TMEM45A: variants seen among roughly 807,000 people sequenced by gnomAD.
The protein encoded by TMEM45A is transmembrane protein 45A.
TMEM45A carries 25 observed loss-of-function variants against 32.0 expected under a neutral mutation model. The observed-to-expected ratio is 0.78, with a 90% CI of 0.57 to 1.09. The LOEUF (loss-of-function observed/expected upper bound fraction) is 1.09. Ranked by LOEUF, TMEM45A falls within the 50% of genes least tolerant of loss-of-function variation. The pLI is 0.00. For missense variants in TMEM45A, 302 were observed against 325.0 expected, an observed-to-expected ratio of 0.93 and a Z score of 0.54; for synonymous variants, 122 against 114.8, an observed-to-expected ratio of 1.06 and a Z score of -0.40.
chr3:100,572,328 A>C (rs1426373629), intron 5 of TMEM45A: 2 of 151,812 alleles, frequency 1.3e-5, no homozygotes, highest in Admixed American at 6.6e-5. Flanking sequence ...TGTGGTTTTG[A>C]TTTGCATTTC....
At chr3:100,508,808 T>TA (rs879392066) in intron 1 of TMEM45A, among the ~76,000 whole-genome samples, 1,623 of 141,094 alleles carry the variant, frequency 0.012, 25 homozygotes, top group African/African-American at 0.036. Flanking sequence ...TCTCACTATA[T>TA]AAAAAAAAAA....
intron 1 of TMEM45A, among the ~76,000 whole-genome samples, chr3:100,549,229 A>C (rs1706040336): frequency 6.6e-6 from 1 of 151,320 alleles, no homozygotes. Flanking sequence ...CCTGGGCAAC[A>C]GAGTGAGATC....
At chr3:100,498,469 A>C (rs183720305) in intron 1 of TMEM45A, among the ~76,000 whole-genome samples, 119 of 152,264 alleles carry the variant, frequency 7.8e-4, no homozygotes, top group Admixed American at 1.6e-3. Context: ...GACTACAGCA[A>C]GTCTTCCTTG....
chr3:100,561,732 C>A (rs921205361), intron 4 of TMEM45A, among the ~76,000 whole-genome samples: 2 of 152,200 alleles, frequency 1.3e-5, no homozygotes, highest in East Asian at 3.8e-4. Context: ...GTCATCCTCA[C>A]CGCCCAGGTG....
At position 100,502,721 on chromosome 3, in the gene TMEM45A, T is replaced by G. The variant is rs183326294; in HGVS notation, c.-4+9793T>G. Among the ~76,000 whole-genome samples the G allele has an allele frequency of 5.9e-5, 9 of 152,314 alleles. No homozygotes were observed. In the East Asian group the frequency reaches 1.7e-3, roughly 29 times the overall value. ...CCTGGCCTCAAGTGATCCTCCTGCTTTGGCCTCCCAAAGTGCTGGGAAAAC... is the reference window on the plus strand; with the variant it reads ...CCTGGCCTCAAGTGATCCTCCTGCTGTGGCCTCCCAAAGTGCTGGGAAAAC... On this transcript the variant is annotated intron_variant, in intron 1 of 5. Transcript: ENST00000323523.
At chr3:100,533,988 T>C (rs536315492) in intron 1 of TMEM45A, among the ~76,000 whole-genome samples, 1 of 152,004 alleles carries the variant, frequency 6.6e-6, no homozygotes, top group African/African-American at 2.4e-5. Context: ...TCTCTAGAGA[T>C]TGGGCCCTAT....
At chr3:100,530,597 C>G (rs925867599) in intron 1 of TMEM45A, among the ~76,000 whole-genome samples, 2 of 152,164 alleles carry the variant, frequency 1.3e-5, no homozygotes, top group Non-Finnish European at 1.5e-5. Context: ...TTAACCATCA[C>G]AATTTTGAAG....
At chr3:100,510,875 A>G (rs1576260870) in intron 1 of TMEM45A, among the ~76,000 whole-genome samples, 1 of 152,316 alleles carries the variant, frequency 6.6e-6, no homozygotes, top group East Asian at 1.9e-4. Context: ...GGTTATCAGC[A>G]GTGGAAGATG....
intron 1 of TMEM45A, among the ~76,000 whole-genome samples, chr3:100,533,499 T>C (rs1705687284): frequency 6.6e-6 from 1 of 152,084 alleles, no homozygotes; most frequent in African/African-American, 2.4e-5. Flanking sequence ...TGTTTCTTCC[T>C]ACACACTCCT....
chr3:100,521,666 T>C (rs1042997810), intron 1 of TMEM45A, among the ~76,000 whole-genome samples: 1 of 152,280 alleles, frequency 6.6e-6, no homozygotes. Flanking sequence ...CCACCCCACA[T>C]CATTCTGTGC....
At chr3:100,524,136 G>T (rs1446613364) in intron 1 of TMEM45A, among the ~76,000 whole-genome samples, 2 of 152,216 alleles carry the variant, frequency 1.3e-5, no homozygotes, top group African/African-American at 2.4e-5. Context: ...AAATCTAGAT[G>T]GCAAGCTGGC....
At chr3:100,572,975 C>A (rs1483691511) in intron 5 of TMEM45A, 2 of 151,776 alleles carry the variant, frequency 1.3e-5, no homozygotes, top group African/African-American at 4.8e-5. Flanking sequence ...TGTTTTGGTA[C>A]CAGTACCATG....
chr3:100,519,343 C>T, intron 1 of TMEM45A: 1 of 569,812 alleles, frequency 1.8e-6, no homozygotes, highest in Non-Finnish European at 3.1e-6. Flanking sequence ...TGTTTGCTTA[C>T]TAGTTGCTTT....
At chr3:100,520,600 C>T (rs1250563076) in intron 1 of TMEM45A, among the ~76,000 whole-genome samples, 1 of 152,174 alleles carries the variant, frequency 6.6e-6, no homozygotes, top group African/African-American at 2.4e-5. Context: ...TCTCTAGCCC[C>T]TCTTGTACGC....
At chr3:100,537,822 G>A (rs1705772716) in intron 1 of TMEM45A, among the ~76,000 whole-genome samples, 1 of 150,946 alleles carries the variant, frequency 6.6e-6, no homozygotes, top group Non-Finnish European at 1.5e-5. Context: ...CAGCCCTGCT[G>A]ATTCAGGTGT....
intron 1 of TMEM45A, among the ~76,000 whole-genome samples, chr3:100,512,127 A>G (rs1708174854): frequency 6.6e-6 from 1 of 152,200 alleles, no homozygotes; most frequent in Non-Finnish European, 1.5e-5. Flanking sequence ...AGTGGACCTA[A>G]TAGACATCTG....
intron 1 of TMEM45A, among the ~76,000 whole-genome samples, chr3:100,529,616 G>A (rs1217698309): frequency 6.6e-6 from 1 of 151,974 alleles, no homozygotes; most frequent in African/African-American, 2.4e-5. Flanking sequence ...TCTCAGGCCA[G>A]CCTTTATTTT....
chr3:100,547,365 G>A (rs1026840985), intron 1 of TMEM45A, among the ~76,000 whole-genome samples: 3 of 152,030 alleles, frequency 2.0e-5, no homozygotes, highest in African/African-American at 4.8e-5. Context: ...CATGTTCTGC[G>A]TGCCTCAGCC....
At chr3:100,513,281 T>G (rs184821694) in intron 1 of TMEM45A, among the ~76,000 whole-genome samples, 1 of 152,080 alleles carries the variant, frequency 6.6e-6, no homozygotes, top group Non-Finnish European at 1.5e-5. Flanking sequence ...TCCACCATGA[T>G]CAAGTGGGCT....
Sources: allele counts gnomAD v4.1 joint callset (sites outside exome capture counted in the v4.1 genomes callset), GRCh38; gene constraint gnomAD v4.1.1; transcripts MANE v1.5; gene names NCBI Gene and HGNC (gene_info 2026-07-23, HGNC 2026-07-21).